Variants in XPO7 observed in about 807,000 individuals in gnomAD.
XPO7 encodes the protein exportin 7.
XPO7 carries 21 observed loss-of-function variants against 144.3 expected under a neutral mutation model. That is an observed-to-expected ratio of 0.15 (90% CI 0.10 to 0.21). The LOEUF (loss-of-function observed/expected upper bound fraction) is 0.21. Among genes scored for constraint, XPO7 ranks in the 10% least tolerant of loss-of-function variants. The pLI, the probability that XPO7 is intolerant of heterozygous loss-of-function variation, is 1.00. For missense variants in XPO7, 808 were observed against 1,325.8 expected (o/e 0.61, Z 6.06); for synonymous variants, 580 against 499.6 (o/e 1.16, Z -2.15).
In XPO7 at chr8:21,945,095, A is replaced by G. The variant is rs1811138189; in HGVS notation, c.19-21762A>G. On this transcript the variant is annotated intron_variant, in intron 1 of 27. Transcript: ENST00000252512. ...ATTCGACAAAACTGCCATCGTCATC[A>G]TGGCCCGTTCTCAATGAGCTGTTGG... Among the ~76,000 whole-genome samples, 5 of 152,246 alleles carry G rather than the reference A, an allele frequency of 3.3e-5. No individual in the cohort carries two copies. In the South Asian group the frequency reaches 1.0e-3, roughly 32 times the overall value.
rs1405603846 is a variant in XPO7 at position 21,969,594 on chromosome 8, T to A, written c.259+18T>A. 1 of 1,600,592 alleles carries A rather than the reference T, an allele frequency of 6.2e-7. No homozygotes were observed. Among genetic ancestry groups the A allele is most frequent in the African/African-American group, 1.3e-5 (1 of 74,756 alleles). On this transcript the variant is annotated intron_variant, in intron 3 of 27. Transcript: ENST00000252512. ...AGATATTCGTAAGTGGAGAATTTTC[T>A]GTTCTGTCTTGAAGAAAATAGTTTG...
Position 21,980,076 on chromosome 8 carries a change from G to A in XPO7, c.838-8G>A, listed in dbSNP as rs1350243956. 6.4e-7 allele frequency: 1 copy of A among 1,574,328 alleles called. No homozygotes were observed. The highest frequency in any genetic ancestry group is 8.6e-7 in the Non-Finnish European group (1 of 1,158,598). ...AATCGTTGTGTTTGGGTTCTGCCCTGCATTTAGGTATTATCCTGCTTGGTA... is the reference window on the plus strand; with the variant it reads ...AATCGTTGTGTTTGGGTTCTGCCCTACATTTAGGTATTATCCTGCTTGGTA... On this transcript the variant is annotated splice_region_variant and splice_polypyrimidine_tract_variant and intron_variant, in intron 8 of 27. Coordinates refer to ENST00000252512, the MANE Select transcript of XPO7 (RefSeq NM_015024.5).
At chr8:21,965,619 T>C (rs189627095) in intron 1 of XPO7, among the ~76,000 whole-genome samples, 4 of 152,354 alleles carry the variant, frequency 2.6e-5, no homozygotes, top group Admixed American at 2.6e-4. Flanking sequence ...ACTGATGATC[T>C]TAGGGCGTCA....
In XPO7 at chr8:21,966,928, A is replaced by G. The variant is rs1313824828; in HGVS notation, c.90A>G (p.Ala30=). The G allele has an allele frequency of 6.2e-7, 1 of 1,614,072 alleles. No individual in the cohort carries two copies. The highest frequency in any genetic ancestry group is 1.7e-5 in the Admixed American group (1 of 60,022). The change falls in exon 2 of 28, where the codon GCA becomes GCG. Residue 30 remains alanine (A), a synonymous_variant. Transcript: ENST00000252512. ...ETTDTTTRLQ[A]EKALVEFTNS... Reference sequence around the variant, plus strand: ...CAGACACAACCACTCGACTCCAGGCAGAGAAAGCCTTGGTTGAATTTACCA... The same window carrying G: ...CAGACACAACCACTCGACTCCAGGCGGAGAAAGCCTTGGTTGAATTTACCA...
rs527330430 is a variant in XPO7, at chr8:21,990,802, T to C, written c.1933-9T>C. Reference sequence around the variant, plus strand: ...TTTTACCTTTAACTTCTTTTCTTTTTTTCAATAGAGCGAGCACTTTTCATT... The same window carrying C: ...TTTTACCTTTAACTTCTTTTCTTTTCTTCAATAGAGCGAGCACTTTTCATT... On this transcript the variant is annotated splice_polypyrimidine_tract_variant and intron_variant, in intron 17 of 27. Coordinates refer to ENST00000252512, the MANE Select transcript of XPO7 (RefSeq NM_015024.5). 5 of 1,613,850 alleles carry C rather than the reference T, an allele frequency of 3.1e-6. No individual in the cohort carries two copies. In the South Asian group the frequency reaches 5.5e-5, roughly 18 times the overall value.
intron 1 of XPO7, among the ~76,000 whole-genome samples, chr8:21,920,455 T>G (rs1200450489): frequency 6.6e-6 from 1 of 151,366 alleles, no homozygotes; most frequent in African/African-American, 2.4e-5. Flanking sequence ...AGTGAAGGAG[T>G]TGAGCGCCCA....
In XPO7 at chr8:22,006,373, C is replaced by G. The variant is rs1813331081; in HGVS notation, c.*1285C>G. ...CTAGTTGTACACATCTCTAGTTCAG[C>G]TCTTGCCCACGGGACACTCATCAAT... On this transcript the variant is annotated 3_prime_UTR_variant, in exon 28 of 28. Transcript: ENST00000252512. The G allele has an allele frequency of 6.6e-6, 1 of 152,168 alleles. No homozygotes were observed. Among genetic ancestry groups the G allele is most frequent in the Admixed American group, 6.5e-5 (1 of 15,284 alleles). The allele number at this position is 152,168 out of a possible 1,614,324, so 9.4% of individuals were successfully genotyped here.
At position 21,987,837 on chromosome 8, in the gene XPO7, A is replaced by C. The variant is rs545643695; in HGVS notation, c.1767A>C (p.Leu589=). 6.2e-7 allele frequency: 1 copy of C among 1,613,866 alleles called. No homozygotes were observed. The highest frequency in any genetic ancestry group is 1.3e-5 in the African/African-American group (1 of 75,042). The part of the protein sequence containing the change: ...VLGLNDETMV[L]SVFIGKIITN... ...GCTTGAATGATGAGACCATGGTCCT[A>C]AGCGTCTTCATAGGAAAAATGTAAG... The change falls in exon 15 of 28, where the codon CTA becomes CTC. Residue 589 remains leucine (L), a synonymous_variant. Transcript: ENST00000252512.
At chr8:21,934,116 T>C (rs559068872) in intron 1 of XPO7, among the ~76,000 whole-genome samples, 1 of 152,352 alleles carries the variant, frequency 6.6e-6, no homozygotes, top group East Asian at 1.9e-4. Flanking sequence ...ATGTCCTTGC[T>C]TTCGTAGTTC....
intron 25 of XPO7, 63 bp from the exon 26 acceptor site, chr8:22,003,154 CTG>C: frequency 7.8e-7 from 1 of 1,280,948 alleles, no homozygotes; most frequent in Non-Finnish European, 1.1e-6. Flanking sequence ...TATTTGGAAT[CTG>C]TCGTTTTATC....
chr8:21,980,108 G>A lies in XPO7; in HGVS notation c.862G>A (p.Ala288Thr), dbSNP rs778985304. The change falls in exon 9 of 28, where the codon GCT (alanine) becomes ACT (threonine). Residue 288 changes from alanine to threonine, a missense_variant. Transcript: ENST00000252512. ...PLVLSCLVQI[A>T]SVRRSLFNNA... ...GGTATTATCCTGCTTGGTACAGATCGCTTCAGTCAGAAGATCCCTGTTTAA... is the reference window on the plus strand; with the variant it reads ...GGTATTATCCTGCTTGGTACAGATCACTTCAGTCAGAAGATCCCTGTTTAA... 3.1e-6 allele frequency: 5 copies of A among 1,601,468 alleles called. No homozygotes were observed. Among genetic ancestry groups the A allele is most frequent in the Admixed American group, 3.4e-5 (2 of 58,294 alleles).
intron 1 of XPO7, among the ~76,000 whole-genome samples, chr8:21,957,465 CATTT>C (rs1283228784): frequency 6.6e-6 from 1 of 152,106 alleles, no homozygotes; most frequent in African/African-American, 2.4e-5. Context: ...TTTCTTAGTT[CATTT>C]AAGTCAGTTA....
intron 2 of XPO7, among the ~76,000 whole-genome samples, chr8:21,968,678 C>G (rs1242883192): frequency 2.6e-5 from 4 of 152,188 alleles, no homozygotes; most frequent in Non-Finnish European, 4.4e-5. Context: ...GGACTACCAT[C>G]TTAAGGACTT....
intron 20 of XPO7, among the ~76,000 whole-genome samples, chr8:21,995,011 G>T (rs917419591): frequency 6.6e-6 from 1 of 151,716 alleles, no homozygotes; most frequent in Non-Finnish European, 1.5e-5. Context: ...CCGAGATCGC[G>T]CCACTGCACT....
intron 1 of XPO7, among the ~76,000 whole-genome samples, chr8:21,940,547 G>A (rs1380263596): frequency 6.6e-6 from 1 of 150,832 alleles, no homozygotes; most frequent in Non-Finnish European, 1.5e-5. Flanking sequence ...TCGGCTCACT[G>A]CAACCTCCAT....
chr8:21,967,140 A>C (rs1811911624), intron 2 of XPO7, 137 bp downstream of exon 2: 7 of 1,228,358 alleles, frequency 5.7e-6, no homozygotes, highest in Admixed American at 2.9e-5. Flanking sequence ...CACTTTTAAG[A>C]AGTACCATAC....
intron 1 of XPO7, among the ~76,000 whole-genome samples, chr8:21,960,297 CA>C (rs1452279404): frequency 6.6e-6 from 1 of 152,210 alleles, no homozygotes; most frequent in African/African-American, 2.4e-5. Context: ...TTCAGGGCGT[CA>C]GATTGAAACC....
Position 21,985,644 on chromosome 8 carries a change from T to G in XPO7, c.1530T>G (p.Phe510Leu). ...IGAVIGGRVS[F>L]ASTDEQDAMD... ...CAGTGATCGGTGGCCGGGTTTCTTTTGCCAGCACTGATGAGCAAGACGCCA... is the reference window on the plus strand; with the variant it reads ...CAGTGATCGGTGGCCGGGTTTCTTTGGCCAGCACTGATGAGCAAGACGCCA... Residue 510 changes from phenylalanine to leucine, a missense_variant, in exon 13 of 28, where the codon TTT (phenylalanine) becomes TTG (leucine). By Grantham distance (22) the Phe-to-Leu change is conservative (BLOSUM62 0). Coordinates refer to ENST00000252512, the MANE Select transcript of XPO7 (RefSeq NM_015024.5). The G allele has an allele frequency of 6.2e-7, 1 of 1,613,898 alleles. No homozygotes were observed. The highest frequency in any genetic ancestry group is 8.5e-7 in the Non-Finnish European group (1 of 1,179,898).
chr8:21,971,073 T>G (rs1812046355), intron 4 of XPO7, among the ~76,000 whole-genome samples: 1 of 152,244 alleles, frequency 6.6e-6, no homozygotes, highest in Non-Finnish European at 1.5e-5. Context: ...TTACTTTATC[T>G]TTGCTATGTT....
Sources: gnomAD v4.1 joint callset for allele counts (sites outside exome capture counted in the v4.1 genomes callset) on GRCh38, gnomAD v4.1.1 for gene constraint, MANE v1.5 for transcripts, NCBI Gene and HGNC (gene_info 2026-07-23, HGNC 2026-07-21) for gene names.